Variants in ICE1 observed in about 807,000 individuals in gnomAD.
ICE1 encodes the protein interactor of little elongation complex ELL subunit 1.
In ICE1, 64 loss-of-function variants were observed where a neutral mutation model predicts 192.7. The observed-to-expected ratio is 0.33, with a 90% confidence interval of 0.27 to 0.41. The LOEUF (loss-of-function observed/expected upper bound fraction) is 0.41, where lower values mean the gene tolerates loss of function less well. ICE1 is among the 10% of genes least tolerant of loss of function. The probability of loss-of-function intolerance (pLI) is 1.00; values close to 1 mark genes in which losing one functional copy is unlikely to be tolerated. For missense variants in ICE1, 2,708 were observed against 2,696.0 expected, an observed-to-expected ratio of 1.00 and a Z score of -0.10; for synonymous variants, 1,010 against 984.5, an observed-to-expected ratio of 1.03 and a Z score of -0.49.
intron 17 of ICE1, among the ~76,000 whole-genome samples, chr5:5,483,895 T>A (rs1739571902): frequency 6.6e-6 from 1 of 152,190 alleles, no homozygotes; most frequent in Admixed American, 6.5e-5. Context: ...CAGCTCACCT[T>A]TCCTTTGCAA....
intron 11 of ICE1, among the ~76,000 whole-genome samples, chr5:5,456,960 C>G (rs1050928846): frequency 6.6e-6 from 1 of 152,046 alleles, no homozygotes; most frequent in Non-Finnish European, 1.5e-5. Flanking sequence ...CTGTATCAAC[C>G]TATAGGCACA....
chr5:5,472,601 T>G (rs763299879), intron 15 of ICE1, among the ~76,000 whole-genome samples: 25 of 152,332 alleles, frequency 1.6e-4, no homozygotes, highest in Non-Finnish European at 2.9e-4. Context: ...AGGTGTATTA[T>G]TTTGAACCAT....
intron 13 of ICE1, among the ~76,000 whole-genome samples, chr5:5,465,880 C>T (rs2111388360): frequency 6.6e-6 from 1 of 152,196 alleles, no homozygotes; most frequent in East Asian, 1.9e-4. Context: ...TGTAATGCTC[C>T]TCTTAGGACA....
In ICE1 at chr5:5,463,328, C is replaced by T. The variant is rs756723309; in HGVS notation, c.3994C>T (p.Pro1332Ser). Residue 1332 changes from proline (P) to serine (S), a missense_variant, in exon 13 of 19, where the codon CCC (proline) becomes TCC (serine). This residue lies in a region of ICE1 where 2,366 missense variants were observed against 2,276.6 expected (regional missense o/e 1.04). Transcript: ENST00000296564. Reference protein sequence around the residue: ...AAALDTEGSSPISGMPQNENP... With the variant: ...AAALDTEGSSSISGMPQNENP... The stretch of plus-strand genomic sequence containing the variant: ...TGCCTTGGACACTGAGGGCAGCTCT[C>T]CCATCAGCGGTATGCCTCAGAATGA... The T allele has an allele frequency of 6.2e-7, 1 of 1,613,598 alleles. No individual in the cohort carries two copies. Among genetic ancestry groups the T allele is most frequent in the Non-Finnish European group, 8.5e-7 (1 of 1,179,782 alleles).
At chr5:5,471,316 A>G (rs1029117328) in intron 15 of ICE1, among the ~76,000 whole-genome samples, 1 of 152,136 alleles carries the variant, frequency 6.6e-6, no homozygotes, top group African/African-American at 2.4e-5. Context: ...GAAAACTTGA[A>G]AAGACTGGTT....
In ICE1 at chr5:5,463,459, C is replaced by G; in HGVS notation, c.4125C>G (p.Asp1375Glu). ...EPVEPSALCSDSVMEPSIEQS... is the reference protein window; with the variant it reads ...EPVEPSALCSESVMEPSIEQS... Reference sequence around the variant, plus strand: ...TGGAGCCATCAGCCTTGTGCTCTGACTCTGTGATGGAGCCATCCATAGAGC... The same window carrying G: ...TGGAGCCATCAGCCTTGTGCTCTGAGTCTGTGATGGAGCCATCCATAGAGC... Residue 1375 changes from aspartate (D) to glutamate (E), a missense_variant, in exon 13 of 19, where the codon GAC becomes GAG. This residue lies in a region of ICE1 where 2,366 missense variants were observed against 2,276.6 expected (regional missense o/e 1.04). Coordinates refer to ENST00000296564, the MANE Select transcript of ICE1 (RefSeq NM_015325.3). 1.2e-6 allele frequency: 2 copies of G among 1,612,866 alleles called. No individual in the cohort carries two copies. Among genetic ancestry groups the G allele is most frequent in the Non-Finnish European group, 1.7e-6 (2 of 1,179,406 alleles).
chr5:5,458,490 G>A (rs777476930), intron 12 of ICE1, among the ~76,000 whole-genome samples: 2 of 152,198 alleles, frequency 1.3e-5, no homozygotes, highest in Non-Finnish European at 2.9e-5. Context: ...AAGAAAAGCA[G>A]CTCAGTCCTG....
intron 17 of ICE1, among the ~76,000 whole-genome samples, chr5:5,478,348 C>T (rs1000187957): frequency 3.3e-5 from 5 of 152,210 alleles, no homozygotes; most frequent in African/African-American, 1.2e-4. Flanking sequence ...CATGTGTGAA[C>T]TCCCATTCAT....
intron 15 of ICE1, among the ~76,000 whole-genome samples, chr5:5,472,405 A>C (rs1194671622): frequency 1.3e-5 from 2 of 152,200 alleles, no homozygotes; most frequent in African/African-American, 4.8e-5. Context: ...TGGAGCGTGT[A>C]TTGTATACAT....
chr5:5,431,502 A>G (rs986172818), intron 1 of ICE1, among the ~76,000 whole-genome samples: 2 of 152,174 alleles, frequency 1.3e-5, no homozygotes, highest in African/African-American at 4.8e-5. Flanking sequence ...TCTGGGAAGT[A>G]AGTTTGTAGA....
rs144526203 is a variant in ICE1 at position 5,487,620 on chromosome 5, A to G, written c.6619+801A>G. Among the ~76,000 whole-genome samples the G allele has an allele frequency of 9.8e-5, 15 of 152,306 alleles. 1 individual carries two copies. The highest frequency in any genetic ancestry group is 7.2e-4 in the Admixed American group (11 of 15,302). On this transcript the variant is annotated intron_variant, in intron 18 of 18. Transcript: ENST00000296564. Reference sequence around the variant, plus strand: ...ACTTTAGGATAGCTGCTGAAGTGGTACACATTTCTTCCATATTACAGTGTA... The same window carrying G: ...ACTTTAGGATAGCTGCTGAAGTGGTGCACATTTCTTCCATATTACAGTGTA...
chr5:5,443,090 A>C lies in ICE1; in HGVS notation c.310-78A>C, dbSNP rs997618997. 10 of 778,414 alleles carry C rather than the reference A, an allele frequency of 1.3e-5. No individual in the cohort carries two copies. In the Admixed American group the frequency reaches 3.2e-4, roughly 25 times the overall value. The allele number at this position is 778,414 out of a possible 1,614,324, so 48.2% of individuals were successfully genotyped here. On this transcript the variant is annotated intron_variant, in intron 5 of 18. Coordinates refer to ENST00000296564, the MANE Select transcript of ICE1 (RefSeq NM_015325.3). ...TGTCTGTTTATTTGGTTAATAGCTT[A>C]TCAAAGGCAAAGCAAGTTATGACCA...
intron 10 of ICE1, 84 bp downstream of exon 10, chr5:5,447,981 G>A (rs1738291165): frequency 2.9e-6 from 3 of 1,049,484 alleles, no homozygotes; most frequent in African/African-American, 1.6e-5. Context: ...ACATATAATT[G>A]TGAAAGTGCC....
rs143644235 is a variant in ICE1, at chr5:5,463,241, A to T, written c.3907A>T (p.Ser1303Cys). The T allele has an allele frequency of 6.2e-7, 1 of 1,612,558 alleles. No homozygotes were observed. The highest frequency in any genetic ancestry group is 1.1e-5 in the South Asian group (1 of 90,516). ...GACCACTGAGAATTTAAAAGAGAAA[A>T]GTCCATTTCGGGAAACGACTGGCTC... ...NMTTENLKEK[S>C]PFRETTGSSS... Residue 1303 changes from serine (S) to cysteine (C), a missense_variant, in exon 13 of 19, where the codon AGT (serine) becomes TGT (cysteine). This residue lies in a region of ICE1 where 2,366 missense variants were observed against 2,276.6 expected (regional missense o/e 1.04). Transcript: ENST00000296564.
rs775738803 is a variant in ICE1 at position 5,462,470 on chromosome 5, A to T, written c.3136A>T (p.Asn1046Tyr). 8.1e-6 allele frequency: 13 copies of T among 1,613,874 alleles called. No homozygotes were observed. In the South Asian group the frequency reaches 1.2e-4, roughly 15 times the overall value. Residue 1046 changes from asparagine to tyrosine, a missense_variant, in exon 13 of 19, where the codon AAT becomes TAT. Physicochemically the swap from Asn to Tyr is moderately radical, Grantham distance 143. This residue lies in a region of ICE1 where 2,366 missense variants were observed against 2,276.6 expected (regional missense o/e 1.04). Coordinates refer to ENST00000296564, the MANE Select transcript of ICE1 (RefSeq NM_015325.3). ...TTCTACCAGCACACCACAAAATGCTAATGGACTTTGGAAATTGAAATCTAC... is the reference window on the plus strand; with the variant it reads ...TTCTACCAGCACACCACAAAATGCTTATGGACTTTGGAAATTGAAATCTAC... ...NDSTSTPQNA[N>Y]GLWKLKSTTP...
chr5:5,429,791 A>G (rs1737643303), intron 1 of ICE1, among the ~76,000 whole-genome samples: 1 of 152,192 alleles, frequency 6.6e-6, no homozygotes, highest in Non-Finnish European at 1.5e-5. Context: ...GGAAGGAAGC[A>G]TGGGCATCAG....
chr5:5,456,527 C>T (rs1045323558), intron 11 of ICE1, among the ~76,000 whole-genome samples: 1 of 152,086 alleles, frequency 6.6e-6, no homozygotes, highest in Middle Eastern at 3.4e-3. Context: ...CATTGCTATC[C>T]TTTTAGCTTT....
In ICE1 at chr5:5,447,765, G is replaced by A. The variant is rs1233718522; in HGVS notation, c.547+5G>A. 1 of 1,583,068 alleles carries A rather than the reference G, an allele frequency of 6.3e-7. No individual in the cohort carries two copies. Among genetic ancestry groups the A allele is most frequent in the Admixed American group, 1.8e-5 (1 of 55,996 alleles). On this transcript the variant is annotated splice_donor_5th_base_variant and intron_variant, in intron 9 of 18. Coordinates refer to ENST00000296564, the MANE Select transcript of ICE1 (RefSeq NM_015325.3). ...CTAAACAGAAAAATGAAAAGGGTGA[G>A]TATTCAGTTAATGCTTACATAAATT...
intron 18 of ICE1, 107 bp from the exon 19 acceptor site, chr5:5,489,041 TG>T: frequency 1.1e-6 from 1 of 899,236 alleles, no homozygotes; most frequent in Non-Finnish European, 1.7e-6. Context: ...TTTTCATTGC[TG>T]GCAGAAAGCA....
Sources: allele counts gnomAD v4.1 joint callset (sites outside exome capture counted in the v4.1 genomes callset), GRCh38; gene constraint gnomAD v4.1.1; regional missense constraint gnomAD v4.1.1; transcripts MANE v1.5; gene names NCBI Gene and HGNC (gene_info 2026-07-23, HGNC 2026-07-21).